The following ST8SIA1 variants were observed in gnomAD, a reference collection of about 807,000 sequenced individuals.
The protein encoded by ST8SIA1 is ST8 alpha-N-acetyl-neuraminide alpha-2,8-sialyltransferase 1.
ST8SIA1 carries 16 observed loss-of-function variants against 35.9 expected under a neutral mutation model. The observed-to-expected ratio is 0.45, with a 90% CI of 0.30 to 0.68. The LOEUF (loss-of-function observed/expected upper bound fraction) is 0.68, where lower values mean the gene tolerates loss of function less well. Among genes scored for constraint, ST8SIA1 ranks in the 30% least tolerant of loss-of-function variants. ST8SIA1 has a pLI of 0.09. For missense variants in ST8SIA1, 383 were observed against 453.6 expected, an observed-to-expected ratio of 0.84 and a Z score of 1.41; for synonymous variants, 170 against 169.6, an observed-to-expected ratio of 1.00 and a Z score of -0.02.
intron 4 of ST8SIA1, among the ~76,000 whole-genome samples, chr12:22,224,992 A>G (rs1865339296): frequency 2.0e-5 from 3 of 152,198 alleles, no homozygotes; most frequent in Admixed American, 2.0e-4. Context: ...TAGATCATAC[A>G]TAGGAAGAAT....
chr12:22,237,869 T>C (rs2120715169), intron 4 of ST8SIA1, among the ~76,000 whole-genome samples: 1 of 152,348 alleles, frequency 6.6e-6, no homozygotes, highest in Non-Finnish European at 1.5e-5. Context: ...CTTTTCAAAG[T>C]ATCAACTTTG....
At chr12:22,294,935 CTTAT>C (rs1216282482) in intron 1 of ST8SIA1, among the ~76,000 whole-genome samples, 3 of 152,144 alleles carry the variant, frequency 2.0e-5, no homozygotes, top group Non-Finnish European at 2.9e-5. Flanking sequence ...TTGAGAACCA[CTTAT>C]TTGTTATTTT....
chr12:22,296,854 C>T (rs1019532114), intron 1 of ST8SIA1, among the ~76,000 whole-genome samples: 5 of 152,140 alleles, frequency 3.3e-5, no homozygotes, highest in African/African-American at 1.2e-4. Context: ...AAAATACGGT[C>T]CAGATCACAA....
chr12:22,224,149 C>G (rs994222345), intron 4 of ST8SIA1, among the ~76,000 whole-genome samples: 8 of 152,038 alleles, frequency 5.3e-5, no homozygotes, highest in African/African-American at 9.7e-5. Context: ...GCTTCCAGCT[C>G]TAATGTGAGT....
At chr12:22,264,219 C>T (rs1248714745) in intron 2 of ST8SIA1, among the ~76,000 whole-genome samples, 1 of 152,108 alleles carries the variant, frequency 6.6e-6, no homozygotes, top group African/African-American at 2.4e-5. Flanking sequence ...CAGCCTCCCA[C>T]CTAATTATGC....
intron 1 of ST8SIA1, among the ~76,000 whole-genome samples, chr12:22,288,472 T>C (rs879837537): frequency 4.6e-5 from 7 of 152,194 alleles, no homozygotes; most frequent in Non-Finnish European, 7.3e-5. Flanking sequence ...TCCTTCTTAT[T>C]GTCACACCGT....
chr12:22,330,983 C>T (rs77932723), intron 1 of ST8SIA1, among the ~76,000 whole-genome samples: 5,172 of 152,270 alleles, frequency 0.034, 306 homozygotes, highest in African/African-American at 0.12. Flanking sequence ...TCTATCACCA[C>T]ATAAACATTA....
chr12:22,193,458 T>C lies in ST8SIA1; in HGVS notation c.*8094A>G, dbSNP rs1864947499. The C allele has an allele frequency of 6.6e-6, 1 of 152,192 alleles. No individual in the cohort carries two copies. The highest frequency in any genetic ancestry group is 2.1e-4 in the South Asian group (1 of 4,824). The allele number at this position is 152,192 out of a possible 1,614,324, so 9.4% of individuals were successfully genotyped here. On this transcript the variant is annotated 3_prime_UTR_variant, in exon 5 of 5. Transcript: ENST00000396037. ...CTCCAAGTAAAGGAGGTAGAGAAAT[T>C]GAGACTTACCGAACCTTCTCACTGC...
intron 1 of ST8SIA1, among the ~76,000 whole-genome samples, chr12:22,300,607 G>A (rs548498603): frequency 6.8e-4 from 104 of 152,158 alleles, no homozygotes; most frequent in African/African-American, 2.5e-3. Context: ...CATTGGCTTC[G>A]TGCTGTTTTT....
In ST8SIA1 at chr12:22,303,320, C is replaced by CTTT. The variant is rs138331297; in HGVS notation, c.237-16030_237-16028dup. ...TAAAGTTTATATTGCCATACAACTC[C>CTTT]TTTTTTTTTTTGGAATTTGGCTTGC... On this transcript the variant is annotated intron_variant, in intron 1 of 4. Transcript: ENST00000396037. Among the ~76,000 whole-genome samples the CTTT allele has an allele frequency of 1.2e-4, 18 of 147,374 alleles. No individual in the cohort carries two copies. The East Asian group carries it at 1.8e-3, about 15-fold the overall frequency.
chr12:22,286,689 C>T (rs773184711), intron 2 of ST8SIA1, among the ~76,000 whole-genome samples: 53 of 152,204 alleles, frequency 3.5e-4, no homozygotes, highest in Non-Finnish European at 5.6e-4. Context: ...TCCATATCCA[C>T]CACTCCTCCA....
At chr12:22,281,985 A>C (rs1162936056) in intron 2 of ST8SIA1, among the ~76,000 whole-genome samples, 1 of 152,058 alleles carries the variant, frequency 6.6e-6, no homozygotes, top group African/African-American at 2.4e-5. Context: ...TTTTTAGTTT[A>C]TCAAACAGAG....
Position 22,201,477 on chromosome 12 carries a change from G to T in ST8SIA1, c.*75C>A. On this transcript the variant is annotated 3_prime_UTR_variant, in exon 5 of 5. Transcript: ENST00000396037. ...CCCATGCAAACTCATGAAACAACTT[G>T]ACCATTCCCTCTTGGAGTCACATAG... 1 of 1,507,374 alleles carries T rather than the reference G, an allele frequency of 6.6e-7. No individual in the cohort carries two copies. The allele number at this position is 1,507,374 out of a possible 1,614,324, so 93.4% of individuals were successfully genotyped here.
chr12:22,259,627 G>A (rs909796409), intron 2 of ST8SIA1, among the ~76,000 whole-genome samples: 14 of 151,940 alleles, frequency 9.2e-5, no homozygotes, highest in Non-Finnish European at 2.1e-4. Context: ...TACCATGCCC[G>A]GCTAATTTTT....
At chr12:22,233,139 A>C (rs983154926) in intron 4 of ST8SIA1, among the ~76,000 whole-genome samples, 2 of 152,254 alleles carry the variant, frequency 1.3e-5, no homozygotes, top group Admixed American at 6.5e-5. Context: ...GAAATTTCAA[A>C]ATATGAGGCG....
Position 22,333,985 on chromosome 12 carries a change from G to C in ST8SIA1, c.236+12C>G, listed in dbSNP as rs371750954. ...GGACGCTAGAGGGGAGGAGCCGCGA[G>C]GGCAGGAGTACCTGAACGCTCTGGC... On this transcript the variant is annotated intron_variant, in intron 1 of 4. Transcript: ENST00000396037. 3.7e-6 allele frequency: 6 copies of C among 1,611,578 alleles called. No homozygotes were observed. Among genetic ancestry groups the C allele is most frequent in the Non-Finnish European group, 5.1e-6 (6 of 1,178,274 alleles).
intron 4 of ST8SIA1, among the ~76,000 whole-genome samples, chr12:22,235,972 TA>T (rs1329089100): frequency 6.6e-6 from 1 of 152,052 alleles, no homozygotes; most frequent in East Asian, 1.9e-4. Context: ...ATGGCTACAT[TA>T]GAAATCTGAA....
intron 1 of ST8SIA1, among the ~76,000 whole-genome samples, chr12:22,288,826 T>C (rs144069842): frequency 6.6e-6 from 1 of 152,330 alleles, no homozygotes; most frequent in East Asian, 1.9e-4. Context: ...CCCTCATTCA[T>C]TTTTATTGGT....
chr12:22,272,866 G>T (rs741368), intron 2 of ST8SIA1, among the ~76,000 whole-genome samples: 5,760 of 152,320 alleles, frequency 0.038, 388 homozygotes, highest in African/African-American at 0.13. Flanking sequence ...GAGACTGACT[G>T]AGCTGACATC....
Sources: gnomAD v4.1 joint callset for allele counts (sites outside exome capture counted in the v4.1 genomes callset) on GRCh38, gnomAD v4.1.1 for gene constraint, MANE v1.5 for transcripts, NCBI Gene and HGNC (gene_info 2026-07-23, HGNC 2026-07-21) for gene names.